ZC3H12B: variants seen among roughly 807,000 people sequenced by gnomAD.
ZC3H12B encodes zinc finger CCCH-type containing 12B.
ZC3H12B carries 7 observed loss-of-function variants against 43.9 expected under a neutral mutation model. The ratio of observed to expected loss-of-function variants is 0.16; its 90% CI spans 0.09 to 0.30. The LOEUF (loss-of-function observed/expected upper bound fraction) is 0.30. Ranked by LOEUF, ZC3H12B falls within the 10% of genes least tolerant of loss-of-function variation. The pLI, the probability that ZC3H12B is intolerant of heterozygous loss-of-function variation, is 1.00. For synonymous variants in ZC3H12B, 222 were observed against 241.7 expected, an observed-to-expected ratio of 0.92 and a Z score of 0.76; for missense variants, 475 against 670.2, an observed-to-expected ratio of 0.71 and a Z score of 3.22.
chrX:65,178,205 G>A, the ZC3H12B span, among the ~76,000 whole-genome samples: 1 of 112,337 alleles, frequency 8.9e-6, no homozygotes, highest in African/African-American at 3.2e-5. Context: ...AAACTGGCTA[G>A]CCATATGCAG....
the ZC3H12B span, among the ~76,000 whole-genome samples, chrX:65,333,189 A>G: frequency 1.8e-4 from 20 of 109,051 alleles, no homozygotes; most frequent in African/African-American, 6.7e-4. Flanking sequence ...TAGACAAGGT[A>G]GGGGGCCAGT....
At chrX:65,374,326 C>T (rs2066315070) in intron 2 of ZC3H12B, among the ~76,000 whole-genome samples, 1 of 96,230 alleles carries the variant, frequency 1.0e-5, no homozygotes, top group South Asian at 4.7e-4. Flanking sequence ...GGGTGCTATG[C>T]TCACTACCTG....
At chrX:65,115,304 T>C in the ZC3H12B span, among the ~76,000 whole-genome samples, 1 of 110,603 alleles carries the variant, frequency 9.0e-6, no homozygotes, top group Non-Finnish European at 1.9e-5. Flanking sequence ...CATGATGATA[T>C]TTGGTTTTCC....
At chrX:65,123,493 G>GT in the ZC3H12B span, among the ~76,000 whole-genome samples, 6 of 110,126 alleles carry the variant, frequency 5.4e-5, no homozygotes, top group South Asian at 3.8e-4. Context: ...TGAATACCAT[G>GT]TTTTTTTTCT....
At chrX:65,488,694 C>T, upstream of ZC3H12B, 2 of 988,838 alleles carry the variant, frequency 2.0e-6, no homozygotes, top group South Asian at 5.1e-5. Context: ...AACTCTTGCA[C>T]CATCGCTACC....
chrX:65,232,481 C>A, the ZC3H12B span, among the ~76,000 whole-genome samples: 1 of 111,727 alleles, frequency 9.0e-6, no homozygotes, highest in African/African-American at 3.2e-5. Flanking sequence ...TTAGTATTTT[C>A]ATTACTTGTT....
the ZC3H12B span, among the ~76,000 whole-genome samples, chrX:65,228,836 G>A: frequency 2.7e-5 from 3 of 111,347 alleles, no homozygotes; most frequent in Non-Finnish European, 5.7e-5. Context: ...CAGACGTGAA[G>A]GACCTCTTCA....
At chrX:65,043,691 C>T in the ZC3H12B span, among the ~76,000 whole-genome samples, 3 of 111,220 alleles carry the variant, frequency 2.7e-5, no homozygotes, top group Non-Finnish European at 5.7e-5. Context: ...AAAACAATTT[C>T]CCCATGTCAA....
At chrX:65,265,350 A>G in the ZC3H12B span, among the ~76,000 whole-genome samples, 1 of 111,979 alleles carries the variant, frequency 8.9e-6, no homozygotes, top group Non-Finnish European at 1.9e-5. Flanking sequence ...TGGAGTGTGC[A>G]TGGTCCACCA....
chrX:65,254,970 G>A, the ZC3H12B span, among the ~76,000 whole-genome samples: 1 of 111,074 alleles, frequency 9.0e-6, no homozygotes, highest in Non-Finnish European at 1.9e-5. Flanking sequence ...ATCTCAGCTT[G>A]AAGAAAAGTT....
At chrX:65,309,469 A>T in the ZC3H12B span, among the ~76,000 whole-genome samples, 1 of 112,174 alleles carries the variant, frequency 8.9e-6, no homozygotes, top group African/African-American at 3.2e-5. Flanking sequence ...CTCTGAATAG[A>T]CCAATAACAG....
chrX:65,294,191 G>T, the ZC3H12B span, among the ~76,000 whole-genome samples: 1 of 111,483 alleles, frequency 9.0e-6, no homozygotes, highest in Admixed American at 9.5e-5. Flanking sequence ...AAACATTGAG[G>T]TCCTATCTTT....
At chrX:65,267,811 A>G in the ZC3H12B span, among the ~76,000 whole-genome samples, 1 of 111,852 alleles carries the variant, frequency 8.9e-6, no homozygotes, top group African/African-American at 3.2e-5. Flanking sequence ...ATAAATGCCT[A>G]ATTTTTTAAA....
chrX:65,207,030 G>C, the ZC3H12B span, among the ~76,000 whole-genome samples: 2 of 109,490 alleles, frequency 1.8e-5, no homozygotes, highest in Non-Finnish European at 3.8e-5. Flanking sequence ...TGGATGTGGT[G>C]AAAAGGGAAC....
the ZC3H12B span, among the ~76,000 whole-genome samples, chrX:65,100,309 A>C: frequency 1.8e-5 from 2 of 109,772 alleles, 1 homozygote; most frequent in Non-Finnish European, 3.8e-5. Flanking sequence ...TGTTAAATAC[A>C]CTTCAGGATA....
At chrX:65,365,955 AC>A (rs1168645364), upstream of ZC3H12B, among the ~76,000 whole-genome samples, 3 of 110,306 alleles carry the variant, frequency 2.7e-5, no homozygotes, top group Non-Finnish European at 5.7e-5. Context: ...GGGGAAATAA[AC>A]AGCCTAGTTG....
At chrX:65,128,005 C>A in the ZC3H12B span, among the ~76,000 whole-genome samples, 2 of 111,798 alleles carry the variant, frequency 1.8e-5, no homozygotes, top group Non-Finnish European at 3.8e-5. Context: ...TTTTAGGGAG[C>A]CTGTAGCAGT....
chrX:65,104,760 G>C, the ZC3H12B span, among the ~76,000 whole-genome samples: 2 of 111,850 alleles, frequency 1.8e-5, no homozygotes, highest in Non-Finnish European at 3.8e-5. Flanking sequence ...AACAACAGAT[G>C]CTGGGGAAGA....
chrX:65,173,500 A>T, the ZC3H12B span, among the ~76,000 whole-genome samples: 1 of 111,762 alleles, frequency 8.9e-6, no homozygotes. Flanking sequence ...GTCTTGTGCC[A>T]GTTTTCAAAG....
Sources: allele counts gnomAD v4.1 joint callset (sites outside exome capture counted in the v4.1 genomes callset), GRCh38; gene constraint gnomAD v4.1.1; transcripts MANE v1.5; gene names NCBI Gene and HGNC (gene_info 2026-07-23, HGNC 2026-07-21).